The following FARP1 variants were observed in gnomAD, a reference collection of about 807,000 sequenced individuals.
FARP1 encodes the protein FERM, ARHGEF and pleckstrin domain-containing protein 1.
Under a neutral mutation model 128.8 loss-of-function variants are expected in FARP1, and 52 were observed. That is an observed-to-expected ratio of 0.40 (90% confidence interval 0.32 to 0.51). The LOEUF (loss-of-function observed/expected upper bound fraction) is 0.51, where lower values mean the gene tolerates loss of function less well. Ranked by LOEUF, FARP1 falls within the 20% of genes least tolerant of loss-of-function variation. The probability of loss-of-function intolerance (pLI) is 0.45; values close to 1 mark genes in which losing one functional copy is unlikely to be tolerated. For missense variants in FARP1, 1,333 were observed against 1,367.9 expected (o/e 0.97, Z 0.40); for synonymous variants, 580 against 551.8 (o/e 1.05, Z -0.72).
chr13:98,307,797 T>C (rs1205478820), intron 2 of FARP1, among the ~76,000 whole-genome samples: 1 of 152,198 alleles, frequency 6.6e-6, no homozygotes, highest in Non-Finnish European at 1.5e-5. Flanking sequence ...TCCAATATTA[T>C]CTTACTCTCT....
In FARP1 at chr13:98,409,394, G is replaced by T; in HGVS notation, c.1471G>T (p.Val491Leu). ...SELSVNSQGG[V>L]APANVTLSPN... is the part of the protein sequence containing the mutation. Reference sequence around the variant, plus strand: ...GCTGTCTGTGAACTCGCAGGGGGGAGTGGCCCCTGCCAACGTGACCTTGTC... The same window carrying T: ...GCTGTCTGTGAACTCGCAGGGGGGATTGGCCCCTGCCAACGTGACCTTGTC... Residue 491 changes from valine (V) to leucine (L), a missense_variant, in exon 14 of 27, where the codon GTG becomes TTG. Physicochemically the swap from Val to Leu is conservative, Grantham distance 32. Around this residue, in one of 2 missense-constraint regions of FARP1, gnomAD observed 1,009 missense variants for 969.8 expected, o/e 1.04. Transcript: ENST00000319562. The T allele has an allele frequency of 6.2e-7, 1 of 1,613,926 alleles. No individual in the cohort carries two copies. Among genetic ancestry groups the T allele is most frequent in the African/African-American group, 1.3e-5 (1 of 74,998 alleles).
intron 3 of FARP1, among the ~76,000 whole-genome samples, chr13:98,360,090 C>CTTTTTTTTTTTTT (rs55859311): frequency 9.6e-6 from 1 of 104,614 alleles, no homozygotes; most frequent in Non-Finnish European, 1.8e-5. Context: ...GATTGTGTTG[C>CTTTTTTTTTTTTT]TTTTTTTTTT....
intron 16 of FARP1, among the ~76,000 whole-genome samples, chr13:98,420,914 G>A (rs1891569487): frequency 6.6e-6 from 1 of 152,224 alleles, no homozygotes; most frequent in Non-Finnish European, 1.5e-5. Flanking sequence ...TTTCTAGATG[G>A]GCAGCAGGAA....
chr13:98,300,162 T>A (rs1471458272), intron 2 of FARP1, among the ~76,000 whole-genome samples: 1 of 152,208 alleles, frequency 6.6e-6, no homozygotes, highest in African/African-American at 2.4e-5. Flanking sequence ...ATTAAGATAT[T>A]TATTGAGGCA....
chr13:98,361,233 C>T (rs1204235888), intron 3 of FARP1, among the ~76,000 whole-genome samples: 3 of 152,246 alleles, frequency 2.0e-5, no homozygotes, highest in Non-Finnish European at 4.4e-5. Context: ...CATGCATCCT[C>T]ACCCAGCCTG....
intron 2 of FARP1, among the ~76,000 whole-genome samples, chr13:98,326,567 C>G (rs1455249873): frequency 6.6e-6 from 1 of 152,170 alleles, no homozygotes; most frequent in African/African-American, 2.4e-5. Flanking sequence ...ATCTCCTCTC[C>G]TGATTCACTA....
intron 24 of FARP1, among the ~76,000 whole-genome samples, chr13:98,442,852 G>A (rs186403491): frequency 6.6e-6 from 1 of 152,366 alleles, no homozygotes; most frequent in Non-Finnish European, 1.5e-5. Flanking sequence ...GCTTCGTCCT[G>A]ACCTCAGCAA....
At chr13:98,214,177 GCCT>G (rs1417451679) in intron 2 of FARP1, among the ~76,000 whole-genome samples, 1 of 152,208 alleles carries the variant, frequency 6.6e-6, no homozygotes, top group Non-Finnish European at 1.5e-5. Flanking sequence ...GCCTCTCCCA[GCCT>G]CCTCCTCAGA....
At chr13:98,222,936 G>A (rs1425590773) in intron 2 of FARP1, among the ~76,000 whole-genome samples, 3 of 151,716 alleles carry the variant, frequency 2.0e-5, no homozygotes, top group African/African-American at 7.3e-5. Flanking sequence ...GTGCCTGGCC[G>A]GAAGGTGCTC....
At chr13:98,247,461 A>T (rs959068256) in intron 2 of FARP1, among the ~76,000 whole-genome samples, 1 of 152,202 alleles carries the variant, frequency 6.6e-6, no homozygotes, top group African/African-American at 2.4e-5. Context: ...CAGACACCCC[A>T]GTATGACTGG....
intron 2 of FARP1, among the ~76,000 whole-genome samples, chr13:98,309,499 T>C (rs939172726): frequency 1.2e-4 from 18 of 152,268 alleles, no homozygotes; most frequent in Admixed American, 7.8e-4. Flanking sequence ...TTTTAAAATA[T>C]GGCTACTAGA....
At chr13:98,424,671 G>A (rs1891712768) in intron 17 of FARP1, 21 bp downstream of exon 17, 2 of 1,552,606 alleles carry the variant, frequency 1.3e-6, no homozygotes, top group South Asian at 1.1e-5. Context: ...TGAGATTTGG[G>A]TGGAGCAAGG....
intron 1 of FARP1, among the ~76,000 whole-genome samples, chr13:98,188,242 C>T (rs929164005): frequency 4.6e-5 from 7 of 152,066 alleles, no homozygotes; most frequent in Non-Finnish European, 2.9e-5. Context: ...AAGAAAGAAG[C>T]CTTCATAAAT....
rs188349275 is a variant in FARP1, at chr13:98,213,801, G to T, written c.171+388G>T. 2.6e-5 allele frequency among the ~76,000 whole-genome samples: 4 copies of T among 152,260 alleles called. No individual in the cohort carries two copies. In the South Asian group the frequency reaches 6.2e-4, roughly 24 times the overall value. The stretch of plus-strand genomic sequence containing the variant: ...TAGACAATTCCTCTCTCACATTGGT[G>T]CTTGTGCGTGTGTGTTTGTGGCAGG... On this transcript the variant is annotated intron_variant, in intron 2 of 26. Transcript: ENST00000319562.
intron 5 of FARP1, among the ~76,000 whole-genome samples, chr13:98,375,501 C>T (rs1479179301): frequency 6.6e-6 from 1 of 152,224 alleles, no homozygotes; most frequent in Non-Finnish European, 1.5e-5. Context: ...AGGTTACACA[C>T]TCAATTCTTT....
At chr13:98,348,184 A>G (rs1888258178) in intron 3 of FARP1, among the ~76,000 whole-genome samples, 1 of 152,250 alleles carries the variant, frequency 6.6e-6, no homozygotes, top group Admixed American at 6.5e-5. Context: ...TTGTCAATTA[A>G]AAGAGTTGAT....
At chr13:98,438,089 C>T (rs1417217247) in intron 19 of FARP1, among the ~76,000 whole-genome samples, 1 of 152,096 alleles carries the variant, frequency 6.6e-6, no homozygotes, top group African/African-American at 2.4e-5. Context: ...TGGATTCTAC[C>T]ACAATTTAAA....
chr13:98,168,228 AGAC>A (rs1410784010), intron 1 of FARP1, among the ~76,000 whole-genome samples: 1 of 152,188 alleles, frequency 6.6e-6, no homozygotes, highest in Non-Finnish European at 1.5e-5. Flanking sequence ...CTGTTGTAAT[AGAC>A]TCTACTATCA....
At chr13:98,191,080 C>T (rs1008434545) in intron 1 of FARP1, among the ~76,000 whole-genome samples, 8 of 152,196 alleles carry the variant, frequency 5.3e-5, no homozygotes, top group African/African-American at 1.9e-4. Context: ...CCTTTCCTCT[C>T]CGGCCCGACA....
Sources: gnomAD v4.1 joint callset for allele counts (sites outside exome capture counted in the v4.1 genomes callset) on GRCh38, gnomAD v4.1.1 for gene constraint, gnomAD v4.1.1 regional missense constraint, MANE v1.5 for transcripts, NCBI Gene and HGNC (gene_info 2026-07-23, HGNC 2026-07-21) for gene names.